The following CSMD1 variants were observed in gnomAD, a reference collection of about 807,000 sequenced individuals.
CSMD1 encodes the protein CUB and sushi domain-containing protein 1.
A neutral mutation model predicts 417.5 loss-of-function variants in CSMD1; 213 were observed. The observed-to-expected ratio is 0.51, with a 90% CI of 0.46 to 0.57. The LOEUF is 0.57. Ranked by LOEUF, CSMD1 falls within the 20% of genes least tolerant of loss-of-function variation. The probability of loss-of-function intolerance (pLI) is 0.00; values close to 1 mark genes in which losing one functional copy is unlikely to be tolerated. For missense variants in CSMD1, 6,923 were observed against 4,529.7 expected (o/e 1.53, Z -15.17); for synonymous variants, 2,862 against 1,736.8 (o/e 1.65, Z -16.11).
chr8:4,579,923 G>A (rs1244294895), intron 2 of CSMD1, among the ~76,000 whole-genome samples: 1 of 152,102 alleles, frequency 6.6e-6, no homozygotes, highest in Non-Finnish European at 1.5e-5. Flanking sequence ...AACTCCAGAT[G>A]CATAGCTCGA....
intron 13 of CSMD1, among the ~76,000 whole-genome samples, chr8:3,409,088 C>G (rs1812523396): frequency 6.6e-6 from 1 of 152,154 alleles, no homozygotes; most frequent in South Asian, 2.1e-4. Context: ...TATTAAGTCA[C>G]AAAGGACTCT....
At chr8:3,635,931 G>C (rs1797023242) in intron 7 of CSMD1, among the ~76,000 whole-genome samples, 1 of 151,240 alleles carries the variant, frequency 6.6e-6, no homozygotes, top group African/African-American at 2.4e-5. Flanking sequence ...AGCTGACTTA[G>C]TTTACTTTTT....
chr8:3,524,691 AAG>A (rs1205044402), intron 10 of CSMD1, among the ~76,000 whole-genome samples: 6 of 145,446 alleles, frequency 4.1e-5, no homozygotes, highest in Non-Finnish European at 9.0e-5. Context: ...ACATGCACCA[AAG>A]AGACGTGCAC....
At position 3,708,419 on chromosome 8, in the gene CSMD1, G is replaced by A. The variant is rs554775286; in HGVS notation, c.1004C>T (p.Ser335Phe). 4.3e-6 allele frequency: 7 copies of A among 1,613,528 alleles called. No homozygotes were observed. The highest frequency in any genetic ancestry group is 2.7e-5 in the African/African-American group (2 of 74,914). ...TAGAAAGGAAAGGGACTCACAGACAGAGTTTTTATGGCTTCCATCCTTGCT... is the reference window on the plus strand; with the variant it reads ...TAGAAAGGAAAGGGACTCACAGACAAAGTTTTTATGGCTTCCATCCTTGCT... ...LPSKDGSHKN[S>F]VLSQGGVALV... is the part of the protein sequence containing the mutation. Residue 335 changes from serine (S) to phenylalanine (F), a missense_variant, in exon 7 of 70, where the codon TCT (serine) becomes TTT (phenylalanine). Transcript: ENST00000635120.
intron 2 of CSMD1, among the ~76,000 whole-genome samples, chr8:4,434,281 G>C (rs1467240368): frequency 6.6e-6 from 1 of 152,158 alleles, no homozygotes; most frequent in Non-Finnish European, 1.5e-5. Flanking sequence ...CAAGAGAATT[G>C]CTTGAACCTT....
At chr8:3,465,170 T>C (rs1293926669) in intron 12 of CSMD1, among the ~76,000 whole-genome samples, 1 of 152,138 alleles carries the variant, frequency 6.6e-6, no homozygotes, top group Admixed American at 6.5e-5. Context: ...CCTGTTGTTT[T>C]TCAGTCTCTG....
In CSMD1 at chr8:2,985,993, G is replaced by C. The variant is rs906697404; in HGVS notation, c.8378-7193C>G. Reference sequence around the variant, plus strand: ...GGGGAAGGGAAAGGGGAAGGGAAAGGGGAAGCGGAAGGGGAGAGAGGGAGG... The same window carrying C: ...GGGGAAGGGAAAGGGGAAGGGAAAGCGGAAGCGGAAGGGGAGAGAGGGAGG... On this transcript the variant is annotated intron_variant, in intron 54 of 69. Coordinates refer to ENST00000635120, the MANE Select transcript of CSMD1 (RefSeq NM_033225.6). 2.5e-4 allele frequency among the ~76,000 whole-genome samples: 36 copies of C among 144,732 alleles called. No homozygotes were observed. The South Asian group carries it at 4.0e-3, about 16-fold the overall frequency. The allele number at this position is 144,732 out of a possible 152,430, so 94.9% of individuals were successfully genotyped here.
At chr8:4,274,495 A>G (rs1010356510) in intron 3 of CSMD1, among the ~76,000 whole-genome samples, 1 of 152,164 alleles carries the variant, frequency 6.6e-6, no homozygotes, top group African/African-American at 2.4e-5. Context: ...ATCCAAGCAA[A>G]TAACTGTTTC....
rs563566672 is a variant in CSMD1 at position 3,048,467 on chromosome 8, AAC to A, written c.7660+3993_7660+3994del. On this transcript the variant is annotated intron_variant, in intron 50 of 69. Transcript: ENST00000635120. The stretch of plus-strand genomic sequence containing the variant: ...TCAATGAACTTCGAGCAGAAGAGCA[AAC>A]ACAACCCAAGAGAGTAAAGATAATC... Among the ~76,000 whole-genome samples the A allele has an allele frequency of 5.4e-4, 82 of 152,306 alleles. 1 individual carries two copies. Among genetic ancestry groups the A allele is most frequent in the African/African-American group, 1.9e-3 (79 of 41,574 alleles).
At chr8:4,797,551 AG>A (rs1798049199) in intron 1 of CSMD1, among the ~76,000 whole-genome samples, 1 of 152,238 alleles carries the variant, frequency 6.6e-6, no homozygotes, top group South Asian at 2.1e-4. Context: ...CTGACCTAAT[AG>A]CAAAAATAAG....
intron 10 of CSMD1, among the ~76,000 whole-genome samples, chr8:3,548,932 C>T (rs985168968): frequency 1.3e-5 from 2 of 152,118 alleles, no homozygotes; most frequent in African/African-American, 2.4e-5. Context: ...ACTAAGTTCT[C>T]GCGTGTTCCT....
At chr8:4,204,088 A>G (rs1193342792) in intron 3 of CSMD1, among the ~76,000 whole-genome samples, 1 of 152,110 alleles carries the variant, frequency 6.6e-6, no homozygotes, top group Non-Finnish European at 1.5e-5. Context: ...GTGACAGAAC[A>G]AGACTCTGTC....
At chr8:3,805,119 C>T (rs1052174376) in intron 5 of CSMD1, among the ~76,000 whole-genome samples, 3 of 152,132 alleles carry the variant, frequency 2.0e-5, no homozygotes, top group Admixed American at 2.0e-4. Flanking sequence ...GGGAAGGGGT[C>T]TAGAATTGCC....
In CSMD1 at chr8:3,284,338, A is replaced by G. The variant is rs766634277; in HGVS notation, c.3959T>C (p.Phe1320Ser). Reference sequence around the variant, plus strand: ...AGCCATCTCCGTGTCGAAAACAATGAAATGGAGGCTGCAAGAGAGAACACA... The same window carrying G: ...AGCCATCTCCGTGTCGAAAACAATGGAATGGAGGCTGCAAGAGAGAACACA... ...ADPGKTISLHFIVFDTEMAHD... is the reference protein window; with the variant it reads ...ADPGKTISLHSIVFDTEMAHD... Residue 1320 changes from phenylalanine (F) to serine (S), a missense_variant, in exon 26 of 70, where the codon TTC becomes TCC. Physicochemically the swap from Phe to Ser is radical, Grantham distance 155 (BLOSUM62 -2). Transcript: ENST00000635120. The G allele has an allele frequency of 6.2e-7, 1 of 1,613,250 alleles. No homozygotes were observed. Among genetic ancestry groups the G allele is most frequent in the Non-Finnish European group, 8.5e-7 (1 of 1,179,590 alleles).
At chr8:3,487,707 C>T (rs1004929323) in intron 11 of CSMD1, among the ~76,000 whole-genome samples, 5 of 152,116 alleles carry the variant, frequency 3.3e-5, no homozygotes, top group South Asian at 2.1e-4. Context: ...GTCAAGAAGG[C>T]GGGTCCCTTT....
At chr8:4,058,219 G>A (rs530556167) in intron 3 of CSMD1, among the ~76,000 whole-genome samples, 6 of 152,158 alleles carry the variant, frequency 3.9e-5, no homozygotes, top group Non-Finnish European at 5.9e-5. Flanking sequence ...TTGAGCAGTG[G>A]TTTGTAGTTC....
intron 6 of CSMD1, among the ~76,000 whole-genome samples, chr8:3,728,154 A>C (rs995175535): frequency 1.3e-5 from 2 of 152,310 alleles, no homozygotes; most frequent in East Asian, 1.9e-4. Flanking sequence ...AGATAAATGA[A>C]TCATGGGTGC....
At chr8:4,474,642 A>C (rs371257755) in intron 2 of CSMD1, among the ~76,000 whole-genome samples, 1 of 152,250 alleles carries the variant, frequency 6.6e-6, no homozygotes, top group African/African-American at 2.4e-5. Context: ...CAGGAATTAC[A>C]GAGTAAACTC....
chr8:4,406,272 T>A (rs1397850753), intron 3 of CSMD1, among the ~76,000 whole-genome samples: 1 of 152,136 alleles, frequency 6.6e-6, no homozygotes, highest in African/African-American at 2.4e-5. Context: ...TGCCCTCAGA[T>A]AGTGCAATTC....
Sources: allele counts gnomAD v4.1 joint callset (sites outside exome capture counted in the v4.1 genomes callset), GRCh38; gene constraint gnomAD v4.1.1; transcripts MANE v1.5; gene names NCBI Gene and HGNC (gene_info 2026-07-23, HGNC 2026-07-21).